Variants in PCDHGA12 observed in about 807,000 individuals in gnomAD.
The protein encoded by PCDHGA12 is protocadherin gamma subfamily A, 12, also known as protocadherin gamma-A12.
Under a neutral mutation model 61.1 loss-of-function variants are expected in PCDHGA12, and 43 were observed. That is an observed-to-expected ratio of 0.70 (90% CI 0.55 to 0.91). PCDHGA12 has a LOEUF of 0.91. PCDHGA12 is among the 40% of genes least tolerant of loss of function. The pLI, the probability that PCDHGA12 is intolerant of heterozygous loss-of-function variation, is 0.00. For synonymous variants in PCDHGA12, 520 were observed against 542.9 expected (o/e 0.96, Z 0.59); for missense variants, 1,236 against 1,227.7 (o/e 1.01, Z -0.10).
chr5:141,444,152 A>AT (rs747671382), intron 1 of PCDHGA12, among the ~76,000 whole-genome samples: 1,130 of 33,890 alleles, frequency 0.033, 460 homozygotes, highest in Non-Finnish European at 0.038. Flanking sequence ...TGTGTACTGG[A>AT]TTTTTTTTTT....
At chr5:141,479,842 G>A (rs1167563746) in intron 1 of PCDHGA12, among the ~76,000 whole-genome samples, 3 of 152,172 alleles carry the variant, frequency 2.0e-5, no homozygotes, top group African/African-American at 7.2e-5. Context: ...TCCATGCAAG[G>A]TGACTGCAAG....
intron 1 of PCDHGA12, among the ~76,000 whole-genome samples, chr5:141,464,221 C>T (rs570804761): frequency 2.9e-4 from 44 of 149,624 alleles, no homozygotes; most frequent in African/African-American, 9.6e-4. Flanking sequence ...GCTGAGATTG[C>T]GCCACTGCAC....
intron 1 of PCDHGA12, among the ~76,000 whole-genome samples, chr5:141,448,796 T>G (rs1268643310): frequency 1.0e-4 from 15 of 150,106 alleles, no homozygotes; most frequent in Admixed American, 4.0e-4. Context: ...AAAAAAAAAA[T>G]TAGCCAGGCG....
At chr5:141,473,907 C>A (rs552055360) in intron 1 of PCDHGA12, among the ~76,000 whole-genome samples, 1 of 152,102 alleles carries the variant, frequency 6.6e-6, no homozygotes. Flanking sequence ...ATGAAGAGGT[C>A]TTAAGAAAAC....
chr5:141,478,116 C>T (rs145816520), intron 1 of PCDHGA12: 1 of 1,613,974 alleles, frequency 6.2e-7, no homozygotes, highest in Non-Finnish European at 8.5e-7. Flanking sequence ...GTGTCAGTAA[C>T]CGAGGACTCT....
At chr5:141,456,827 G>A (rs183303757) in intron 1 of PCDHGA12, among the ~76,000 whole-genome samples, 13 of 152,236 alleles carry the variant, frequency 8.5e-5, no homozygotes, top group South Asian at 2.1e-4. Flanking sequence ...AGCCATCGTG[G>A]TAGTGGGCGC....
chr5:141,497,497 C>T (rs1318882060), intron 2 of PCDHGA12, among the ~76,000 whole-genome samples: 1 of 151,714 alleles, frequency 6.6e-6, no homozygotes, highest in Non-Finnish European at 1.5e-5. Context: ...TCTCTCTCTC[C>T]TCTCTCTGCT....
chr5:141,466,344 T>G (rs1036472951), intron 1 of PCDHGA12, among the ~76,000 whole-genome samples: 5 of 152,106 alleles, frequency 3.3e-5, no homozygotes, highest in African/African-American at 4.8e-5. Flanking sequence ...ATAATTTTTT[T>G]GCAGCTAATC....
chr5:141,449,693 G>A (rs2098652097), intron 1 of PCDHGA12, among the ~76,000 whole-genome samples: 1 of 150,164 alleles, frequency 6.7e-6, no homozygotes, highest in South Asian at 2.1e-4. Flanking sequence ...TTGTGTGTAT[G>A]TACACAAACA....
intron 1 of PCDHGA12, among the ~76,000 whole-genome samples, chr5:141,462,688 A>G (rs919098530): frequency 3.9e-5 from 6 of 152,126 alleles, no homozygotes; most frequent in African/African-American, 1.4e-4. Flanking sequence ...TTTTGAGCAC[A>G]TTTATAATGG....
intron 2 of PCDHGA12, among the ~76,000 whole-genome samples, chr5:141,496,903 A>G (rs990378360): frequency 1.1e-4 from 16 of 150,744 alleles, no homozygotes; most frequent in Non-Finnish European, 2.4e-4. Flanking sequence ...AAAAAAAAAA[A>G]GGCTGGGCAC....
chr5:141,465,968 A>G (rs2099113507), intron 1 of PCDHGA12, among the ~76,000 whole-genome samples: 3 of 151,940 alleles, frequency 2.0e-5, no homozygotes, highest in Admixed American at 6.6e-5. Flanking sequence ...TAAAAATACA[A>G]AAAATTAGCC....
chr5:141,453,546 C>T lies in PCDHGA12; in HGVS notation c.2424+20363C>T, dbSNP rs116481133. Among the ~76,000 whole-genome samples, 695 of 152,296 alleles carry T rather than the reference C, an allele frequency of 4.6e-3. 4 individuals are homozygous for T. Among genetic ancestry groups the T allele is most frequent in the African/African-American group, 0.015 (634 of 41,558 alleles). On this transcript the variant is annotated intron_variant, in intron 1 of 3. Transcript: ENST00000252085. ...TACCTTCTGCCTCATTCACACCACA[C>T]TCTGTAGATAATCGATTTCATTAGT...
Position 141,435,556 on chromosome 5 carries a change from G to C in PCDHGA12, c.2424+2373G>C, listed in dbSNP as rs568743865. ...AGAATTAACAAAATGTGTTTTGAGT[G>C]CTTTTTTTAGTACTGGGGCAAATTT... is the stretch of plus-strand genomic sequence containing the variant. On this transcript the variant is annotated intron_variant, in intron 1 of 3. Transcript: ENST00000252085. Among the ~76,000 whole-genome samples, 7 of 152,242 alleles carry C rather than the reference G, an allele frequency of 4.6e-5. 1 individual carries two copies. Among genetic ancestry groups the C allele is most frequent in the African/African-American group, 1.4e-4 (6 of 41,544 alleles).
rs1394484191 is a variant in PCDHGA12 at position 141,486,006 on chromosome 5, C to T, written c.2425-8801C>T. The T allele has an allele frequency of 6.2e-7, 1 of 1,614,190 alleles. No individual in the cohort carries two copies. Among genetic ancestry groups the T allele is most frequent in the Non-Finnish European group, 8.5e-7 (1 of 1,180,026 alleles). Reference sequence around the variant, plus strand: ...GACCTGGGTCCCAGTGGTAACGTCACCTTTTATTTCAGTGGTCATACCCCT... The same window carrying T: ...GACCTGGGTCCCAGTGGTAACGTCATCTTTTATTTCAGTGGTCATACCCCT... On this transcript the variant is annotated intron_variant, in intron 1 of 3. Coordinates refer to ENST00000252085, the MANE Select transcript of PCDHGA12 (RefSeq NM_003735.3). This position sits in a 1 kb window ranked among gnomAD's most constrained non-coding sequence, Gnocchi z 5.0.
intron 1 of PCDHGA12, among the ~76,000 whole-genome samples, chr5:141,459,014 T>G (rs1429233660): frequency 6.6e-6 from 1 of 152,240 alleles, no homozygotes; most frequent in Non-Finnish European, 1.5e-5. Flanking sequence ...ATTACAGGCA[T>G]GAGCCACCAC....
intron 1 of PCDHGA12, among the ~76,000 whole-genome samples, chr5:141,479,077 A>G (rs1393042749): frequency 6.6e-6 from 1 of 152,224 alleles, no homozygotes; most frequent in Non-Finnish European, 1.5e-5. Context: ...ATGAAATGAA[A>G]TTCCAGGCAT....
chr5:141,440,883 T>C (rs1435173649), intron 1 of PCDHGA12: 4 of 152,178 alleles, frequency 2.6e-5, no homozygotes, highest in Non-Finnish European at 5.9e-5. Flanking sequence ...AGCGTCGGCC[T>C]TCAGGAAGAT....
chr5:141,494,762 A>G (rs770570158), intron 1 of PCDHGA12, 45 bp from the exon 2 acceptor site: 1 of 1,613,200 alleles, frequency 6.2e-7, no homozygotes, highest in South Asian at 1.1e-5. Flanking sequence ...TGACATTCTA[A>G]CTTCTCACGG....
Sources: gnomAD v4.1 joint callset for allele counts (sites outside exome capture counted in the v4.1 genomes callset) on GRCh38, gnomAD v4.1.1 for gene constraint, Gnocchi (gnomAD v3.1) non-coding constraint, MANE v1.5 for transcripts, NCBI Gene and HGNC (gene_info 2026-07-23, HGNC 2026-07-21) for gene names.